The following SCFD2 variants were observed in gnomAD, a reference collection of about 807,000 sequenced individuals.
The protein encoded by SCFD2 is sec1 family domain containing 2, also known as sec1 family domain-containing protein 2.
Under a neutral mutation model 58.9 loss-of-function variants are expected in SCFD2, and 54 were observed. That is an observed-to-expected ratio of 0.92 (90% CI 0.74 to 1.15). The LOEUF (loss-of-function observed/expected upper bound fraction) is 1.15, where lower values mean the gene tolerates loss of function less well. SCFD2 is among the 50% of genes most tolerant of loss of function. SCFD2 has a pLI of 0.00. For missense variants in SCFD2, 805 were observed against 836.6 expected, an observed-to-expected ratio of 0.96 and a Z score of 0.47; for synonymous variants, 321 against 335.9, an observed-to-expected ratio of 0.96 and a Z score of 0.49.
chr4:52,888,034 C>A (rs553539079), intron 7 of SCFD2, among the ~76,000 whole-genome samples: 1 of 151,050 alleles, frequency 6.6e-6, no homozygotes, highest in Non-Finnish European at 1.5e-5. Flanking sequence ...CCTCAGCCTC[C>A]CGAGTAGCTG....
chr4:52,904,319 C>T (rs1056523492), intron 7 of SCFD2, among the ~76,000 whole-genome samples: 1 of 152,174 alleles, frequency 6.6e-6, no homozygotes, highest in African/African-American at 2.4e-5. Flanking sequence ...CCAGGCTTTG[C>T]CTTTTTGTGT....
chr4:53,239,762 C>A (rs1729832506), intron 4 of SCFD2, among the ~76,000 whole-genome samples: 1 of 152,180 alleles, frequency 6.6e-6, no homozygotes, highest in Non-Finnish European at 1.5e-5. Context: ...AGGCATGAGG[C>A]ACCATGCCCG....
chr4:53,038,950 G>T (rs187163793), intron 5 of SCFD2, among the ~76,000 whole-genome samples: 1 of 152,046 alleles, frequency 6.6e-6, no homozygotes, highest in Non-Finnish European at 1.5e-5. Context: ...TCAGTCTCTC[G>T]AAGTGTTAGA....
intron 5 of SCFD2, among the ~76,000 whole-genome samples, chr4:52,921,693 C>A (rs1456497794): frequency 6.6e-6 from 1 of 152,126 alleles, no homozygotes; most frequent in Non-Finnish European, 1.5e-5. Context: ...CCTGCCCATA[C>A]CCACTCGGTC....
intron 4 of SCFD2, among the ~76,000 whole-genome samples, chr4:53,220,011 T>A (rs1157786687): frequency 6.6e-6 from 1 of 152,114 alleles, no homozygotes; most frequent in African/African-American, 2.4e-5. Context: ...GTTTTTGCCC[T>A]TCCTGCTACC....
intron 4 of SCFD2, among the ~76,000 whole-genome samples, chr4:53,199,683 C>A (rs1728166496): frequency 6.6e-6 from 1 of 152,010 alleles, no homozygotes; most frequent in African/African-American, 2.4e-5. Context: ...GATGAACTTC[C>A]CAGCTGGCGA....
intron 4 of SCFD2, among the ~76,000 whole-genome samples, chr4:53,200,415 A>G (rs1254736273): frequency 6.6e-6 from 1 of 152,130 alleles, no homozygotes; most frequent in Non-Finnish European, 1.5e-5. Flanking sequence ...ATGAAAGTGA[A>G]TCTCCAAAAA....
chr4:52,873,963 G>A lies in SCFD2; in HGVS notation c.*6C>T, dbSNP rs115805464. The stretch of plus-strand genomic sequence containing the variant: ...CTTGAGTAGGTCTTATCTTCTTAGC[G>A]GATGCTCAGAAGCCAAGGTCTGGAT... On this transcript the variant is annotated 3_prime_UTR_variant, in exon 9 of 9. Transcript: ENST00000401642. 1,163 of 1,604,394 alleles carry A rather than the reference G, an allele frequency of 7.2e-4. 3 individuals are homozygous for A. The African/African-American group carries it at 0.013, about 19-fold the overall frequency.
At chr4:53,363,673 G>C (rs1217453193) in intron 1 of SCFD2, among the ~76,000 whole-genome samples, 1 of 151,904 alleles carries the variant, frequency 6.6e-6, no homozygotes, top group African/African-American at 2.4e-5. Flanking sequence ...AATACGAAAA[G>C]TTAGCCCGGC....
At chr4:52,938,810 A>T (rs1445114382) in intron 5 of SCFD2, among the ~76,000 whole-genome samples, 1 of 152,210 alleles carries the variant, frequency 6.6e-6, no homozygotes, top group Non-Finnish European at 1.5e-5. Context: ...TTTCAAAGTC[A>T]ACTCATCTTA....
At chr4:53,079,991 G>T (rs1404356621) in intron 5 of SCFD2, among the ~76,000 whole-genome samples, 2 of 152,096 alleles carry the variant, frequency 1.3e-5, no homozygotes, top group Admixed American at 6.6e-5. Flanking sequence ...GAATAGTTAC[G>T]TATTCCTGTT....
chr4:52,911,844 G>GC (rs1193690232), intron 6 of SCFD2, among the ~76,000 whole-genome samples: 1 of 152,170 alleles, frequency 6.6e-6, no homozygotes, highest in Non-Finnish European at 1.5e-5. Context: ...CCACTTCTGT[G>GC]CTTTGCCAGC....
At position 53,211,665 on chromosome 4, in the gene SCFD2, G is replaced by A. The variant is rs183767625; in HGVS notation, c.1311+62161C>T. On this transcript the variant is annotated intron_variant, in intron 4 of 8. Transcript: ENST00000401642. ...ATTGGATGATGCTCAGCTGGTGTCCGCTGCTTTGTGTGTGGGGAAAAATCC... is the reference window on the plus strand; with the variant it reads ...ATTGGATGATGCTCAGCTGGTGTCCACTGCTTTGTGTGTGGGGAAAAATCC... 1.2e-3 allele frequency among the ~76,000 whole-genome samples: 184 copies of A among 152,162 alleles called. 2 individuals are homozygous for A. Among genetic ancestry groups the A allele is most frequent in the African/African-American group, 3.8e-3 (157 of 41,466 alleles).
intron 4 of SCFD2, among the ~76,000 whole-genome samples, chr4:53,149,991 T>C (rs543501644): frequency 1.3e-5 from 2 of 152,320 alleles, no homozygotes; most frequent in African/African-American, 4.8e-5. Context: ...AAAAGGACTT[T>C]AGGGGAAAAT....
chr4:53,157,184 G>A (rs7694213), intron 4 of SCFD2, among the ~76,000 whole-genome samples: 88,558 of 152,018 alleles, frequency 0.58, 26,877 homozygotes, highest in Non-Finnish European at 0.7. Context: ...GTTGACATTT[G>A]GAACATCTGT....
intron 4 of SCFD2, among the ~76,000 whole-genome samples, chr4:53,218,817 T>G (rs1222754360): frequency 6.6e-6 from 1 of 152,226 alleles, no homozygotes. Context: ...CAGATGGGGT[T>G]TTGGTGTGGA....
chr4:52,884,685 T>C (rs1718694439), intron 8 of SCFD2, among the ~76,000 whole-genome samples: 1 of 151,928 alleles, frequency 6.6e-6, no homozygotes, highest in South Asian at 2.1e-4. Context: ...AAGGCAAGGG[T>C]TTTACATCTT....
At chr4:52,968,241 G>A (rs1237984502) in intron 5 of SCFD2, among the ~76,000 whole-genome samples, 1 of 152,244 alleles carries the variant, frequency 6.6e-6, no homozygotes, top group Admixed American at 6.5e-5. Flanking sequence ...ATAGGTTGCT[G>A]TTGCTCAACT....
At chr4:53,107,326 C>T (rs1388486493) in intron 5 of SCFD2, among the ~76,000 whole-genome samples, 2 of 152,126 alleles carry the variant, frequency 1.3e-5, no homozygotes, top group African/African-American at 4.8e-5. Flanking sequence ...CAGTAATGGG[C>T]AAAATAACCA....
Sources: allele counts gnomAD v4.1 joint callset (sites outside exome capture counted in the v4.1 genomes callset), GRCh38; gene constraint gnomAD v4.1.1; transcripts MANE v1.5; gene names NCBI Gene and HGNC (gene_info 2026-07-23, HGNC 2026-07-21).